Variants in CELF4 observed in about 807,000 individuals in gnomAD.
CELF4 encodes the protein CUGBP Elav-like family member 4.
CELF4 carries 18 observed loss-of-function variants against 59.9 expected under a neutral mutation model. That is an observed-to-expected ratio of 0.30 (90% CI 0.21 to 0.45). The LOEUF is 0.45. Among genes scored for constraint, CELF4 ranks in the 20% least tolerant of loss-of-function variants. The probability of loss-of-function intolerance (pLI) is 1.00; values close to 1 mark genes in which losing one functional copy is unlikely to be tolerated. For synonymous variants in CELF4, 261 were observed against 267.1 expected (o/e 0.98, Z 0.22); for missense variants, 456 against 689.0 (o/e 0.66, Z 3.79).
chr18:37,265,774 C>T (rs908619883), intron 9 of CELF4, among the ~76,000 whole-genome samples: 2 of 152,164 alleles, frequency 1.3e-5, no homozygotes, highest in Non-Finnish European at 1.5e-5. Context: ...ACCTCAGTCC[C>T]CTCACCCCTT....
chr18:37,507,440 C>T (rs2099939377), intron 1 of CELF4, among the ~76,000 whole-genome samples: 1 of 152,228 alleles, frequency 6.6e-6, no homozygotes, highest in African/African-American at 2.4e-5. Context: ...ATCCCCTGGC[C>T]TCCAGCGTCT....
chr18:37,492,806 C>T (rs939290470), intron 1 of CELF4, among the ~76,000 whole-genome samples: 1 of 152,172 alleles, frequency 6.6e-6, no homozygotes, highest in African/African-American at 2.4e-5. Flanking sequence ...CCATGGCCTG[C>T]CTCAAGGATG....
At chr18:37,406,426 TC>T (rs2099389816) in intron 2 of CELF4, among the ~76,000 whole-genome samples, 1 of 152,114 alleles carries the variant, frequency 6.6e-6, no homozygotes, top group Non-Finnish European at 1.5e-5. Flanking sequence ...TACGTCCCTA[TC>T]CATCTGGTTT....
At chr18:37,445,205 C>T (rs1216039112) in intron 2 of CELF4, among the ~76,000 whole-genome samples, 3 of 152,148 alleles carry the variant, frequency 2.0e-5, no homozygotes, top group African/African-American at 7.2e-5. Flanking sequence ...CCTCCCCTCC[C>T]CACCACACTT....
At chr18:37,379,552 G>GTA (rs2099013227) in intron 2 of CELF4, among the ~76,000 whole-genome samples, 1 of 134,518 alleles carries the variant, frequency 7.4e-6, no homozygotes, top group African/African-American at 2.8e-5. Flanking sequence ...CTTTGCTCCT[G>GTA]TATATGCCAG....
chr18:37,424,347 G>T (rs564135285), intron 2 of CELF4, among the ~76,000 whole-genome samples: 7 of 152,256 alleles, frequency 4.6e-5, no homozygotes, highest in South Asian at 2.1e-4. Flanking sequence ...CAGTCTAGAA[G>T]GGATGAAATG....
At chr18:37,275,568 C>G in intron 3 of CELF4, 1 of 352,200 alleles carries the variant, frequency 2.8e-6, no homozygotes, top group Non-Finnish European at 5.4e-6. Context: ...AGCAGAGACC[C>G]TGGGCTGACC....
At position 37,298,893 on chromosome 18, in the gene CELF4, G is replaced by A. The variant is rs150869285; in HGVS notation, c.448+22910C>T. On this transcript the variant is annotated intron_variant, in intron 3 of 12. Coordinates refer to ENST00000420428, the MANE Select transcript of CELF4 (RefSeq NM_020180.4). ...TGCTGTAGTCATGGCTTTCCTTTGG[G>A]GTTCTAGCATACTTTCTGCTCTCTT... 5.7e-3 allele frequency among the ~76,000 whole-genome samples: 868 copies of A among 152,242 alleles called. 4 individuals carry two copies. Among genetic ancestry groups the A allele is most frequent in the Middle Eastern group, 0.024 (7 of 294 alleles).
Position 37,253,787 on chromosome 18 carries a change from C to G in CELF4, c.*24G>C. ...GTTACCTGTGCGAGTCCTGGTCTCC[C>G]CCGGGGGACGCTCCCGCCGGCGCTC... On this transcript the variant is annotated 3_prime_UTR_variant, in exon 12 of 13. Coordinates refer to ENST00000420428, the MANE Select transcript of CELF4 (RefSeq NM_020180.4). This position sits in a 1 kb window ranked among gnomAD's most constrained non-coding sequence, Gnocchi z 4.5. The G allele has an allele frequency of 6.3e-7, 1 of 1,588,114 alleles. No individual in the cohort carries two copies. Among genetic ancestry groups the G allele is most frequent in the Non-Finnish European group, 8.6e-7 (1 of 1,167,110 alleles).
intron 1 of CELF4, among the ~76,000 whole-genome samples, chr18:37,562,081 T>C (rs1378143250): frequency 2.6e-5 from 4 of 152,138 alleles, no homozygotes; most frequent in Admixed American, 1.3e-4. Flanking sequence ...AGGGGGTAAA[T>C]TTACCTTTAC....
At chr18:37,469,723 G>A (rs574319889) in intron 2 of CELF4, among the ~76,000 whole-genome samples, 1 of 152,226 alleles carries the variant, frequency 6.6e-6, no homozygotes. Context: ...GGGCAGGAGT[G>A]AGGGAGGGCT....
intron 2 of CELF4, among the ~76,000 whole-genome samples, chr18:37,427,384 G>A (rs1391372739): frequency 6.6e-6 from 1 of 152,140 alleles, no homozygotes; most frequent in Non-Finnish European, 1.5e-5. Flanking sequence ...GCCAAACCCA[G>A]CTCTCCCCAG....
At chr18:37,422,597 T>G (rs1603638218) in intron 2 of CELF4, among the ~76,000 whole-genome samples, 1 of 152,116 alleles carries the variant, frequency 6.6e-6, no homozygotes, top group South Asian at 2.1e-4. Flanking sequence ...GTGTTAAGCA[T>G]GTGGGAGTGA....
intron 2 of CELF4, among the ~76,000 whole-genome samples, chr18:37,393,652 T>G (rs906476357): frequency 2.6e-5 from 4 of 152,106 alleles, no homozygotes; most frequent in African/African-American, 4.8e-5. Context: ...CTACACTGGG[T>G]GGGGCTGGCT....
At chr18:37,301,684 C>G (rs1292760740) in intron 3 of CELF4, among the ~76,000 whole-genome samples, 2 of 152,208 alleles carry the variant, frequency 1.3e-5, no homozygotes, top group East Asian at 3.9e-4. Context: ...GCTGAACCAC[C>G]GCTCTCTGTT....
chr18:37,337,443 C>A (rs1396754569), intron 2 of CELF4, among the ~76,000 whole-genome samples: 1 of 152,198 alleles, frequency 6.6e-6, no homozygotes, highest in Non-Finnish European at 1.5e-5. Context: ...TTCCCAGGGT[C>A]TAATTTCTTT....
At chr18:37,339,727 C>T (rs2097918931) in intron 2 of CELF4, among the ~76,000 whole-genome samples, 1 of 147,612 alleles carries the variant, frequency 6.8e-6, no homozygotes, top group African/African-American at 2.5e-5. Flanking sequence ...GTACTCCAGC[C>T]TGGGTGACAG....
chr18:37,304,967 G>A (rs2096301194), intron 3 of CELF4, among the ~76,000 whole-genome samples: 1 of 152,196 alleles, frequency 6.6e-6, no homozygotes, highest in African/African-American at 2.4e-5. Context: ...TCCCAGGTGG[G>A]GGAGCATGGC....
chr18:37,442,666 A>G (rs2099735892), intron 2 of CELF4, among the ~76,000 whole-genome samples: 1 of 152,218 alleles, frequency 6.6e-6, no homozygotes, highest in South Asian at 2.1e-4. Flanking sequence ...CAATACAAGG[A>G]AACAGATTGT....
Sources: gnomAD v4.1 joint callset for allele counts (sites outside exome capture counted in the v4.1 genomes callset) on GRCh38, gnomAD v4.1.1 for gene constraint, Gnocchi (gnomAD v3.1) non-coding constraint, MANE v1.5 for transcripts, NCBI Gene and HGNC (gene_info 2026-07-23, HGNC 2026-07-21) for gene names.